UIMC1: variants seen among roughly 807,000 people sequenced by gnomAD.
UIMC1 encodes BRCA1-A complex subunit RAP80.
A neutral mutation model predicts 84.9 loss-of-function variants in UIMC1; 42 were observed. That is an observed-to-expected ratio of 0.49 (90% CI 0.39 to 0.64). The LOEUF (loss-of-function observed/expected upper bound fraction) is 0.64, where lower values mean the gene tolerates loss of function less well. Among genes scored for constraint, UIMC1 ranks in the 30% least tolerant of loss-of-function variants. UIMC1 has a pLI of 0.00. For synonymous variants in UIMC1, 281 were observed against 293.0 expected, an observed-to-expected ratio of 0.96 and a Z score of 0.42; for missense variants, 825 against 847.6, an observed-to-expected ratio of 0.97 and a Z score of 0.33.
chr5:176,942,708 T>C (rs1315742358), intron 10 of UIMC1, among the ~76,000 whole-genome samples: 10 of 140,534 alleles, frequency 7.1e-5, no homozygotes, highest in South Asian at 2.2e-4. Flanking sequence ...ATCGCACCAC[T>C]GCACTCCAGC....
At chr5:176,959,827 T>C (rs1767110618) in intron 6 of UIMC1, among the ~76,000 whole-genome samples, 1 of 148,856 alleles carries the variant, frequency 6.7e-6, no homozygotes, top group African/African-American at 2.5e-5. Flanking sequence ...AGGTCGGGAG[T>C]TCAAGACCAG....
At chr5:176,994,725 G>A (rs1773341819) in intron 1 of UIMC1, among the ~76,000 whole-genome samples, 1 of 152,052 alleles carries the variant, frequency 6.6e-6, no homozygotes, top group Non-Finnish European at 1.5e-5. Context: ...TTTGAATGGT[G>A]CGGTGGGAAT....
At chr5:176,951,702 T>C (rs942464679) in intron 8 of UIMC1, 125 bp from the exon 9 acceptor site, 22 of 607,080 alleles carry the variant, frequency 3.6e-5, no homozygotes, top group Non-Finnish European at 5.3e-5. Flanking sequence ...AATATATTAA[T>C]AGATCTAGTT....
chr5:176,991,445 T>C (rs1772819461), intron 1 of UIMC1, among the ~76,000 whole-genome samples: 1 of 151,742 alleles, frequency 6.6e-6, no homozygotes, highest in African/African-American at 2.4e-5. Flanking sequence ...ATCTGGCAAA[T>C]TGAGAAGACA....
chr5:176,957,955 A>T (rs1766815864), intron 7 of UIMC1, 138 bp downstream of exon 7: 2 of 602,888 alleles, frequency 3.3e-6, no homozygotes, highest in Non-Finnish European at 5.4e-6. Flanking sequence ...ATACTAATAA[A>T]ATTTCTCCTA....
rs775145041 is a variant in UIMC1 at position 176,968,698 on chromosome 5, T to C, written c.1057A>G (p.Met353Val). ...CTCTCCTCTTTGTCTTCATCTCCCATATCTTCTGAGATGCATTCATTTTTC... is the reference window on the plus strand; with the variant it reads ...CTCTCCTCTTTGTCTTCATCTCCCACATCTTCTGAGATGCATTCATTTTTC... ...SEKNECISED[M>V]GDEDKEERQE... The change falls in exon 6 of 15, where the codon ATG (methionine) becomes GTG (valine). Residue 353 changes from methionine to valine, a missense_variant. Physicochemically the swap from Met to Val is conservative, Grantham distance 21. Coordinates refer to ENST00000511320, the MANE Select transcript of UIMC1 (RefSeq NM_001199298.2). 9.3e-6 allele frequency: 15 copies of C among 1,614,058 alleles called. No individual in the cohort carries two copies. Among genetic ancestry groups the C allele is most frequent in the East Asian group, 2.2e-5 (1 of 44,896 alleles).
intron 6 of UIMC1, among the ~76,000 whole-genome samples, 155 bp from the exon 7 acceptor site, chr5:176,958,309 G>C (rs1766871889): frequency 6.6e-6 from 1 of 152,146 alleles, no homozygotes; most frequent in Admixed American, 6.5e-5. Flanking sequence ...AATAAAACAA[G>C]CACATCCTGT....
intron 10 of UIMC1, among the ~76,000 whole-genome samples, chr5:176,924,854 C>T (rs1197411433): frequency 6.6e-6 from 1 of 151,904 alleles, no homozygotes; most frequent in African/African-American, 2.4e-5. Flanking sequence ...TCCTGGCCAA[C>T]ATGGTGAAAC....
intron 8 of UIMC1, among the ~76,000 whole-genome samples, chr5:176,952,748 GATCA>G (rs1457274342): frequency 6.6e-6 from 1 of 152,118 alleles, no homozygotes; most frequent in Non-Finnish European, 1.5e-5. Flanking sequence ...AATGAGCTAT[GATCA>G]CACCACTGCA....
At chr5:176,954,592 A>T (rs1766343828) in intron 8 of UIMC1, among the ~76,000 whole-genome samples, 1 of 151,746 alleles carries the variant, frequency 6.6e-6, no homozygotes, top group Non-Finnish European at 1.5e-5. Context: ...TAATAATAAT[A>T]ATTTTTAAAA....
intron 14 of UIMC1, 133 bp downstream of exon 14, chr5:176,905,874 TGAGA>T (rs1157802263): frequency 1.1e-6 from 1 of 888,092 alleles, no homozygotes; most frequent in Non-Finnish European, 1.8e-6. Context: ...AGAGTCATAC[TGAGA>T]GAGAGGTCAT....
intron 1 of UIMC1, among the ~76,000 whole-genome samples, chr5:176,992,245 T>C (rs1408143660): frequency 2.0e-5 from 3 of 152,174 alleles, no homozygotes; most frequent in South Asian, 4.1e-4. Flanking sequence ...GTGTGTAAAA[T>C]TGGTTTTTTC....
At position 176,915,135 on chromosome 5, in the gene UIMC1, C is replaced by T. The variant is rs77940169; in HGVS notation, c.1598-3746G>A. Among the ~76,000 whole-genome samples the T allele has an allele frequency of 4.2e-3, 635 of 152,232 alleles. 8 individuals are homozygous for T. The highest frequency in any genetic ancestry group is 0.014 in the African/African-American group (589 of 41,540). The stretch of plus-strand genomic sequence containing the variant: ...AATTGATTCTAGTACTGTCCATATA[C>T]CACTACTGCATTTACCACATTTCTG... On this transcript the variant is annotated intron_variant, in intron 10 of 14. Transcript: ENST00000511320.
chr5:176,942,751 A>T (rs906064940), intron 10 of UIMC1, among the ~76,000 whole-genome samples: 1 of 149,708 alleles, frequency 6.7e-6, no homozygotes, highest in African/African-American at 2.5e-5. Context: ...GTCTTAAAAA[A>T]AAAAAAAAAA....
chr5:176,973,754 C>A (rs1388705962), intron 3 of UIMC1, among the ~76,000 whole-genome samples: 1 of 151,972 alleles, frequency 6.6e-6, no homozygotes, highest in Non-Finnish European at 1.5e-5. Context: ...TAATAAAAAA[C>A]TAGCTGGATG....
intron 10 of UIMC1, among the ~76,000 whole-genome samples, chr5:176,928,103 A>ATT (rs1762608534): frequency 2.0e-5 from 3 of 152,112 alleles, no homozygotes. Context: ...CTCGGCCTCC[A>ATT]AAAGTGCTAG....
At chr5:176,930,812 C>T (rs1483868894) in intron 10 of UIMC1, among the ~76,000 whole-genome samples, 1 of 152,238 alleles carries the variant, frequency 6.6e-6, no homozygotes, top group Non-Finnish European at 1.5e-5. Flanking sequence ...ACAGAGGCAA[C>T]TATGTCACAT....
chr5:176,976,566 G>C (rs745937640), intron 2 of UIMC1, among the ~76,000 whole-genome samples: 3 of 152,320 alleles, frequency 2.0e-5, no homozygotes, highest in South Asian at 2.1e-4. Context: ...TACACTGTTG[G>C]TGGGAATATA....
At chr5:176,928,242 A>G (rs1040533675) in intron 10 of UIMC1, among the ~76,000 whole-genome samples, 3 of 152,236 alleles carry the variant, frequency 2.0e-5, no homozygotes, top group Non-Finnish European at 4.4e-5. Context: ...AGAGTTGAGT[A>G]GCAGTGGCAA....
Sources: allele counts gnomAD v4.1 joint callset (sites outside exome capture counted in the v4.1 genomes callset), GRCh38; gene constraint gnomAD v4.1.1; transcripts MANE v1.5; gene names NCBI Gene and HGNC (gene_info 2026-07-23, HGNC 2026-07-21).